Variants in GALNT8 observed in about 807,000 individuals in gnomAD.
GALNT8 encodes polypeptide N-acetylgalactosaminyltransferase 8.
GALNT8 carries 66 observed loss-of-function variants against 62.7 expected under a neutral mutation model. That is an observed-to-expected ratio of 1.05 (90% CI 0.86 to 1.29). GALNT8 has a LOEUF of 1.29. GALNT8 is among the 50% of genes most tolerant of loss of function. GALNT8 has a pLI of 0.00. For synonymous variants in GALNT8, 288 were observed against 294.3 expected, an observed-to-expected ratio of 0.98 and a Z score of 0.22; for missense variants, 771 against 791.8, an observed-to-expected ratio of 0.97 and a Z score of 0.32.
At chr12:4,745,923 A>G (rs1946296777) in intron 5 of GALNT8, among the ~76,000 whole-genome samples, 1 of 152,214 alleles carries the variant, frequency 6.6e-6, no homozygotes, top group Non-Finnish European at 1.5e-5. Context: ...GGATACCTAG[A>G]AGAAAAAGGT....
At chr12:4,721,004 G>A (rs1946165316) in intron 1 of GALNT8, 116 bp downstream of exon 1, 5 of 665,194 alleles carry the variant, frequency 7.5e-6, no homozygotes, top group Admixed American at 2.3e-5. Flanking sequence ...CATCTCAGTC[G>A]CTCATTGAAG....
chr12:4,739,042 G>A (rs117325177), intron 2 of GALNT8, 121 bp from the exon 3 acceptor site: 1 of 539,804 alleles, frequency 1.9e-6, no homozygotes, highest in African/African-American at 1.9e-5. Flanking sequence ...TTGCTTTCCA[G>A]TGAGTTTGAG....
intron 6 of GALNT8, among the ~76,000 whole-genome samples, chr12:4,759,279 A>G (rs1305613409): frequency 6.6e-6 from 1 of 152,112 alleles, no homozygotes; most frequent in Admixed American, 6.5e-5. Context: ...CTGGGGGCCA[A>G]TGAGGAGAGC....
intron 6 of GALNT8, among the ~76,000 whole-genome samples, chr12:4,746,571 G>C (rs1421431889): frequency 6.6e-6 from 1 of 152,060 alleles, no homozygotes; most frequent in African/African-American, 2.4e-5. Flanking sequence ...CTTAACCTTG[G>C]AGCAGACAAT....
chr12:4,738,207 C>T (rs1946254617), intron 2 of GALNT8, among the ~76,000 whole-genome samples: 1 of 152,132 alleles, frequency 6.6e-6, no homozygotes, highest in Non-Finnish European at 1.5e-5. Flanking sequence ...GGTGCTGAGA[C>T]AAGTGGATAT....
rs965027306 is a variant in GALNT8, at chr12:4,768,325, C to A, written c.1761+2779C>A. The A allele has an allele frequency of 1.1e-4, 29 of 273,526 alleles. 1 individual carries two copies. The highest frequency in any genetic ancestry group is 8.7e-5 in the Admixed American group (2 of 22,916). 16.9% of individuals were successfully genotyped at this position (273,526 alleles called of 1,614,324 possible). Reference sequence around the variant, plus strand: ...ATTCCCTTAATAGCTATACTTTATCCTAAACCTCGTAAGAATTAAAGATAC... The same window carrying A: ...ATTCCCTTAATAGCTATACTTTATCATAAACCTCGTAAGAATTAAAGATAC... On this transcript the variant is annotated intron_variant, in intron 10 of 10. Coordinates refer to ENST00000252318, the MANE Select transcript of GALNT8 (RefSeq NM_017417.2).
chr12:4,764,155 G>A (rs1329901341), intron 9 of GALNT8, 108 bp downstream of exon 9: 2 of 751,210 alleles, frequency 2.7e-6, no homozygotes, highest in East Asian at 4.9e-5. Context: ...GGAGGCAGGA[G>A]CGGAGCATCC....
chr12:4,770,020 C>T (rs540393364), intron 10 of GALNT8, among the ~76,000 whole-genome samples: 40 of 152,172 alleles, frequency 2.6e-4, no homozygotes, highest in African/African-American at 9.4e-4. Context: ...CCAAAATGGC[C>T]GGGCACGGTG....
chr12:4,769,655 C>T (rs932108163), intron 10 of GALNT8, among the ~76,000 whole-genome samples: 3 of 151,688 alleles, frequency 2.0e-5, no homozygotes, highest in Non-Finnish European at 4.4e-5. Context: ...GATGTAAAGA[C>T]CACATATACA....
intron 2 of GALNT8, among the ~76,000 whole-genome samples, chr12:4,727,575 CT>C (rs534723512): frequency 3.3e-4 from 50 of 152,214 alleles, no homozygotes; most frequent in Non-Finnish European, 6.6e-4. Flanking sequence ...ATGGATTTGT[CT>C]GTTCCGGACC....
At position 4,720,523 on chromosome 12, in the gene GALNT8, C is replaced by T. The variant is rs1056892307; in HGVS notation, c.-155C>T. On this transcript the variant is annotated 5_prime_UTR_variant, in exon 1 of 11. Coordinates refer to ENST00000252318, the MANE Select transcript of GALNT8 (RefSeq NM_017417.2). ...GGAGACTTTGCTCCTCAGAGGCCAC[C>T]CGTGGCTTCCCATGGGTGTCTCACA... The T allele has an allele frequency of 1.1e-4, 71 of 623,116 alleles. No homozygotes were observed. The highest frequency in any genetic ancestry group is 1.9e-4 in the Non-Finnish European group (67 of 346,800). 38.6% of individuals were successfully genotyped at this position (623,116 alleles called of 1,614,324 possible). A position where few individuals can be genotyped will look rare whatever the true frequency, so the allele number is the denominator to read the frequency against.
chr12:4,741,129 G>A (rs1045982935), intron 3 of GALNT8, among the ~76,000 whole-genome samples: 1 of 152,194 alleles, frequency 6.6e-6, no homozygotes, highest in African/African-American at 2.4e-5. Context: ...TTCCTTCTCT[G>A]AGGATCTTTA....
rs1211595213 is a variant in GALNT8 at position 4,749,040 on chromosome 12, T to C, written c.1173+2782T>C. 6.6e-6 allele frequency among the ~76,000 whole-genome samples: 1 copy of C among 152,212 alleles called. No homozygotes were observed. The highest frequency in any genetic ancestry group is 1.5e-5 in the Non-Finnish European group (1 of 68,026). ...TTCACTATTGGCATAGAAATGCTAC[T>C]GATTTTTGTATGTTGATTGTCCATC... On this transcript the variant is annotated intron_variant, in intron 6 of 10. Transcript: ENST00000252318. This position sits in a 1 kb window ranked among gnomAD's most constrained non-coding sequence, Gnocchi z 4.1.
intron 2 of GALNT8, among the ~76,000 whole-genome samples, 155 bp from the exon 3 acceptor site, chr12:4,739,008 T>G (rs1946258158): frequency 6.6e-6 from 1 of 152,220 alleles, no homozygotes; most frequent in Non-Finnish European, 1.5e-5. Flanking sequence ...AAAATCTTGC[T>G]ACTGTGATAA....
chr12:4,759,810 C>T (rs1946363462), intron 6 of GALNT8, among the ~76,000 whole-genome samples: 1 of 152,126 alleles, frequency 6.6e-6, no homozygotes, highest in South Asian at 2.1e-4. Flanking sequence ...CTGCATCTCA[C>T]TTAGGCAACC....
chr12:4,729,650 T>G (rs1002510092), intron 2 of GALNT8, among the ~76,000 whole-genome samples: 1 of 152,188 alleles, frequency 6.6e-6, no homozygotes, highest in Non-Finnish European at 1.5e-5. Context: ...CCATCTATTA[T>G]GGAATAGTAT....
chr12:4,765,970 G>A (rs925180543), intron 10 of GALNT8, among the ~76,000 whole-genome samples: 6 of 152,164 alleles, frequency 3.9e-5, no homozygotes, highest in African/African-American at 4.8e-5. Flanking sequence ...TGGTAGAGAC[G>A]GGGTTTCACC....
At chr12:4,755,370 A>G (rs1227888337) in intron 6 of GALNT8, among the ~76,000 whole-genome samples, 2 of 152,164 alleles carry the variant, frequency 1.3e-5, no homozygotes, top group Non-Finnish European at 2.9e-5. Context: ...TTTCTGCTCT[A>G]ACAGGACAGC....
Position 4,745,427 on chromosome 12 carries a change from A to G in GALNT8, c.861-2A>G. 6.3e-7 allele frequency: 1 copy of G among 1,594,826 alleles called. No individual in the cohort carries two copies. The highest frequency in any genetic ancestry group is 8.6e-7 in the Non-Finnish European group (1 of 1,162,442). On this transcript the variant is annotated splice_acceptor_variant, in intron 4 of 10. Coordinates refer to ENST00000252318, the MANE Select transcript of GALNT8 (RefSeq NM_017417.2). LOFTEE classifies it high-confidence loss of function. Reference sequence around the variant, plus strand: ...TGGGCTTTCTGCACACTCTTGTTCTAGGGCAGAGCCAATCTTGGCTCGGAT... The same window carrying G: ...TGGGCTTTCTGCACACTCTTGTTCTGGGGCAGAGCCAATCTTGGCTCGGAT...
Sources: gnomAD v4.1 joint callset for allele counts (sites outside exome capture counted in the v4.1 genomes callset) on GRCh38, gnomAD v4.1.1 for gene constraint, Gnocchi (gnomAD v3.1) non-coding constraint, MANE v1.5 for transcripts, NCBI Gene and HGNC (gene_info 2026-07-23, HGNC 2026-07-21) for gene names.